Variants in ATR observed in about 807,000 individuals in gnomAD.
The protein encoded by ATR is ATR checkpoint kinase.
Under a neutral mutation model 305.3 loss-of-function variants are expected in ATR, and 142 were observed. That is an observed-to-expected ratio of 0.47 (90% confidence interval 0.41 to 0.53). The LOEUF (loss-of-function observed/expected upper bound fraction) is 0.53, where lower values mean the gene tolerates loss of function less well. Ranked by LOEUF, ATR falls within the 20% of genes least tolerant of loss-of-function variation. ATR has a pLI of 0.00. For missense variants in ATR, 2,135 were observed against 3,133.1 expected, an observed-to-expected ratio of 0.68 and a Z score of 7.60; for synonymous variants, 1,050 against 1,068.1, an observed-to-expected ratio of 0.98 and a Z score of 0.33.
chr3:142,510,110 T>C (rs901813211), intron 27 of ATR, among the ~76,000 whole-genome samples: 16 of 98,704 alleles, frequency 1.6e-4, no homozygotes, highest in African/African-American at 7.3e-4. Context: ...AGTGAGACTG[T>C]CTCAGAAAAA....
chr3:142,450,004 G>A, intron 46 of ATR: 1 of 314,712 alleles, frequency 3.2e-6, no homozygotes, highest in South Asian at 3.4e-5. Context: ...TTCTAAGTGA[G>A]CTACTTGGAA....
intron 37 of ATR, 57 bp from the exon 38 acceptor site, chr3:142,469,626 A>G: frequency 6.9e-7 from 1 of 1,457,998 alleles, no homozygotes; most frequent in Non-Finnish European, 9.6e-7. Context: ...TCAGTATATC[A>G]GTTCATTTCA....
chr3:142,475,459 G>A (rs2071412991), intron 36 of ATR, among the ~76,000 whole-genome samples: 2 of 152,054 alleles, frequency 1.3e-5, no homozygotes, highest in African/African-American at 2.4e-5. Context: ...AGTATTCCAT[G>A]GGGTATATGT....
chr3:142,468,405 T>C (rs1169458970), intron 38 of ATR, among the ~76,000 whole-genome samples: 1 of 152,082 alleles, frequency 6.6e-6, no homozygotes, highest in South Asian at 2.1e-4. Context: ...GGCTATTTTT[T>C]AGAATTTTAT....
chr3:142,537,552 TA>T (rs2108430320), intron 19 of ATR, among the ~76,000 whole-genome samples: 1 of 152,260 alleles, frequency 6.6e-6, no homozygotes, highest in East Asian at 1.9e-4. Flanking sequence ...ATATCAAAAA[TA>T]AAAGTATTTT....
chr3:142,497,262 G>C (rs1002260337), intron 32 of ATR, 70 bp from the exon 33 acceptor site: 22 of 1,476,950 alleles, frequency 1.5e-5, no homozygotes, highest in Non-Finnish European at 2.1e-5. Context: ...TATAAAGCAA[G>C]TACTTTAAAT....
chr3:142,513,015 G>A (rs917652927), intron 26 of ATR, among the ~76,000 whole-genome samples: 3 of 151,968 alleles, frequency 2.0e-5, no homozygotes, highest in African/African-American at 7.3e-5. Flanking sequence ...AAATGATAAT[G>A]AAACTTTGTT....
At chr3:142,510,324 C>T (rs958340801) in intron 27 of ATR, among the ~76,000 whole-genome samples, 2 of 151,564 alleles carry the variant, frequency 1.3e-5, no homozygotes, top group South Asian at 2.1e-4. Flanking sequence ...GGTGAAGCCC[C>T]GTCTCTACTA....
At chr3:142,480,381 A>C (rs2030337732) in intron 36 of ATR, among the ~76,000 whole-genome samples, 1 of 152,254 alleles carries the variant, frequency 6.6e-6, no homozygotes, top group African/African-American at 2.4e-5. Flanking sequence ...GGGTATCAGC[A>C]GCGGAGGCTG....
chr3:142,482,479 C>G (rs2030577891), intron 36 of ATR, among the ~76,000 whole-genome samples: 1 of 151,994 alleles, frequency 6.6e-6, no homozygotes, highest in Admixed American at 6.6e-5. Context: ...TTCTATATCC[C>G]AAGGCACATG....
At chr3:142,494,213 C>T (rs1250585349) in intron 34 of ATR, among the ~76,000 whole-genome samples, 1 of 152,116 alleles carries the variant, frequency 6.6e-6, no homozygotes, top group African/African-American at 2.4e-5. Flanking sequence ...TATGCAAATA[C>T]TGTGTATGCC....
rs79599989 is a variant in ATR, at chr3:142,554,416, T to C, written c.2342-401A>G. Among the ~76,000 whole-genome samples, 16 of 152,214 alleles carry C rather than the reference T, an allele frequency of 1.1e-4. No homozygotes were observed. The East Asian group carries it at 3.1e-3, about 29-fold the overall frequency. ...CTAATTTTTGTATTTTTTGTAGAGATGGGGCTTCACCATGTTGCCCAGACT... is the reference window on the plus strand; with the variant it reads ...CTAATTTTTGTATTTTTTGTAGAGACGGGGCTTCACCATGTTGCCCAGACT... On this transcript the variant is annotated intron_variant, in intron 10 of 46. Coordinates refer to ENST00000350721, the MANE Select transcript of ATR (RefSeq NM_001184.4).
rs1231759271 is a variant in ATR at position 142,498,790 on chromosome 3, A to G, written c.5381-16T>C. On this transcript the variant is annotated splice_polypyrimidine_tract_variant and intron_variant, in intron 31 of 46. Coordinates refer to ENST00000350721, the MANE Select transcript of ATR (RefSeq NM_001184.4). ...GATTTTCCATCTGAAAAACAAATGAAGAGTCAAGAAATGTCACGGTAGCTG... is the reference window on the plus strand; with the variant it reads ...GATTTTCCATCTGAAAAACAAATGAGGAGTCAAGAAATGTCACGGTAGCTG... 3 of 1,613,164 alleles carry G rather than the reference A, an allele frequency of 1.9e-6. No homozygotes were observed. Among genetic ancestry groups the G allele is most frequent in the Non-Finnish European group, 2.5e-6 (3 of 1,179,390 alleles).
intron 38 of ATR, 75 bp from the exon 39 acceptor site, chr3:142,468,143 C>CA: frequency 6.5e-7 from 1 of 1,535,044 alleles, no homozygotes; most frequent in South Asian, 1.2e-5. Flanking sequence ...TTTTGCTTGA[C>CA]AAAAAACTTA....
At chr3:142,488,600 C>T (rs146046613) in intron 35 of ATR, among the ~76,000 whole-genome samples, 72 of 152,214 alleles carry the variant, frequency 4.7e-4, no homozygotes, top group African/African-American at 1.5e-3. Context: ...TATTAATTTC[C>T]CACTTCTGAT....
At chr3:142,549,385 T>C in intron 15 of ATR, 94 bp downstream of exon 15, 1 of 856,060 alleles carries the variant, frequency 1.2e-6, no homozygotes, top group Non-Finnish European at 1.7e-6. Flanking sequence ...GGATAGGCTA[T>C]AATTTACTCA....
intron 40 of ATR, among the ~76,000 whole-genome samples, chr3:142,466,029 A>C (rs1330768669): frequency 2.6e-5 from 4 of 151,834 alleles, no homozygotes; most frequent in South Asian, 2.1e-4. Flanking sequence ...AAAAAAAGAA[A>C]AGAAAAGAAA....
intron 24 of ATR, among the ~76,000 whole-genome samples, chr3:142,517,541 C>T (rs975590819): frequency 1.1e-4 from 17 of 152,090 alleles, no homozygotes; most frequent in Non-Finnish European, 1.8e-4. Flanking sequence ...CTATTGAAAA[C>T]GCACTCTATC....
chr3:142,575,827 A>C (rs1241742494), intron 1 of ATR, among the ~76,000 whole-genome samples: 1 of 152,224 alleles, frequency 6.6e-6, no homozygotes, highest in Non-Finnish European at 1.5e-5. Context: ...CACTAGAGTA[A>C]AGTAAGCAAA....
Sources: allele counts gnomAD v4.1 joint callset (sites outside exome capture counted in the v4.1 genomes callset), GRCh38; gene constraint gnomAD v4.1.1; transcripts MANE v1.5; gene names NCBI Gene and HGNC (gene_info 2026-07-23, HGNC 2026-07-21).